ASTN1: variants seen among roughly 807,000 people sequenced by gnomAD.
ASTN1 encodes astrotactin 1.
Under a neutral mutation model 140.7 loss-of-function variants are expected in ASTN1, and 41 were observed. The ratio of observed to expected loss-of-function variants is 0.29; its 90% CI spans 0.23 to 0.38. The LOEUF (loss-of-function observed/expected upper bound fraction) is 0.38, where lower values mean the gene tolerates loss of function less well. Ranked by LOEUF, ASTN1 falls within the 10% of genes least tolerant of loss-of-function variation. ASTN1 has a pLI of 1.00. For synonymous variants in ASTN1, 640 were observed against 652.2 expected (o/e 0.98, Z 0.29); for missense variants, 1,479 against 1,678.8 (o/e 0.88, Z 2.08).
chr1:177,128,313 G>A (rs1055778229), intron 1 of ASTN1, among the ~76,000 whole-genome samples: 3 of 152,052 alleles, frequency 2.0e-5, no homozygotes, highest in African/African-American at 4.8e-5. Flanking sequence ...CAGACTCTAC[G>A]CCTAGTATTA....
chr1:177,024,473 C>G (rs1181093788), intron 6 of ASTN1, 110 bp downstream of exon 6: 6 of 1,379,454 alleles, frequency 4.3e-6, no homozygotes, highest in Admixed American at 2.2e-5. Flanking sequence ...TTTGGTTTTC[C>G]CCCGGTAGAG....
intron 15 of ASTN1, among the ~76,000 whole-genome samples, chr1:176,934,998 T>C (rs758416987): frequency 1.3e-5 from 2 of 152,162 alleles, no homozygotes; most frequent in Non-Finnish European, 2.9e-5. Context: ...AAATGACAAA[T>C]GGAAGAGAAA....
chr1:177,048,188 G>A (rs1677341214), intron 2 of ASTN1, among the ~76,000 whole-genome samples: 2 of 152,144 alleles, frequency 1.3e-5, no homozygotes, highest in Non-Finnish European at 2.9e-5. Context: ...TGTAGAAGAG[G>A]AAAGCAAGAA....
At chr1:177,036,368 A>G (rs1676721233) in intron 2 of ASTN1, among the ~76,000 whole-genome samples, 1 of 152,036 alleles carries the variant, frequency 6.6e-6, no homozygotes, top group South Asian at 2.1e-4. Flanking sequence ...TCTAATAATC[A>G]GTTACCAGGA....
chr1:176,888,320 T>G, intron 17 of ASTN1, 116 bp from the exon 18 acceptor site: 19 of 1,230,876 alleles, frequency 1.5e-5, no homozygotes, highest in Non-Finnish European at 2.0e-5. Flanking sequence ...AGCAGCAGGT[T>G]GTGTCGCCAC....
At chr1:176,984,154 T>G (rs1416224768) in intron 8 of ASTN1, among the ~76,000 whole-genome samples, 4 of 152,232 alleles carry the variant, frequency 2.6e-5, no homozygotes, top group Admixed American at 6.5e-5. Context: ...CTTGGGCCTC[T>G]TAGCATTCTG....
At chr1:176,974,318 A>AT (rs1673270054) in intron 8 of ASTN1, among the ~76,000 whole-genome samples, 1 of 152,188 alleles carries the variant, frequency 6.6e-6, no homozygotes, top group South Asian at 2.1e-4. Flanking sequence ...GATGCAGTCA[A>AT]TTTTTAATAA....
chr1:176,911,071 C>G (rs1281133768), intron 16 of ASTN1, among the ~76,000 whole-genome samples: 1 of 152,320 alleles, frequency 6.6e-6, no homozygotes, highest in Admixed American at 6.5e-5. Context: ...ACCTGTACAA[C>G]ATGCTACTGT....
At chr1:176,888,683 C>A (rs539151608) in intron 17 of ASTN1, among the ~76,000 whole-genome samples, 2 of 152,282 alleles carry the variant, frequency 1.3e-5, no homozygotes, top group Admixed American at 6.5e-5. Context: ...AACCTGCTTG[C>A]AATATTTTTG....
intron 2 of ASTN1, among the ~76,000 whole-genome samples, chr1:177,054,497 G>C (rs1476716747): frequency 6.6e-6 from 1 of 152,230 alleles, no homozygotes; most frequent in African/African-American, 2.4e-5. Context: ...GCTCTGACCT[G>C]TGCGTGGAGC....
chr1:176,857,622 T>C (rs763864600), downstream of ASTN1: 20 of 621,254 alleles, frequency 3.2e-5, 1 homozygote, highest in South Asian at 4.0e-4. Context: ...CATCTACAAC[T>C]CCTCTGACTG....
chr1:176,905,705 C>T (rs1033395279), intron 16 of ASTN1, among the ~76,000 whole-genome samples: 2 of 152,100 alleles, frequency 1.3e-5, no homozygotes, highest in African/African-American at 4.8e-5. Flanking sequence ...CCGCTTAGTC[C>T]TCATCTCTTG....
At chr1:176,960,933 G>A (rs1672631056) in intron 9 of ASTN1, among the ~76,000 whole-genome samples, 6 of 152,100 alleles carry the variant, frequency 3.9e-5, no homozygotes, top group South Asian at 2.1e-4. Context: ...GGCTGAGCCT[G>A]TGCACCTGAC....
Position 177,037,273 on chromosome 1 carries a change from C to T in ASTN1, c.472-4424G>A, listed in dbSNP as rs1297662377. On this transcript the variant is annotated intron_variant, in intron 2 of 22. Transcript: ENST00000361833. Reference sequence around the variant, plus strand: ...AGAAACCCTAGGCCAAAGACTATGGCTGGAAGCATCCTGATAGCCAAGTCG... The same window carrying T: ...AGAAACCCTAGGCCAAAGACTATGGTTGGAAGCATCCTGATAGCCAAGTCG... Among the ~76,000 whole-genome samples the T allele has an allele frequency of 3.3e-5, 5 of 152,324 alleles. No individual in the cohort carries two copies. In the East Asian group the frequency reaches 9.6e-4, roughly 29 times the overall value.
chr1:176,859,131 T>C (rs1201115854), downstream of ASTN1, among the ~76,000 whole-genome samples: 1 of 152,176 alleles, frequency 6.6e-6, no homozygotes, highest in African/African-American at 2.4e-5. Flanking sequence ...CAAAGTAAAA[T>C]TGGAAGAAAC....
chr1:176,892,737 AAC>A (rs1435009348), intron 17 of ASTN1, among the ~76,000 whole-genome samples: 3 of 152,234 alleles, frequency 2.0e-5, no homozygotes, highest in Non-Finnish European at 2.9e-5. Flanking sequence ...TAGAAATAAA[AAC>A]ACACATTGAA....
chr1:176,886,971 G>A (rs1406414549), intron 18 of ASTN1, among the ~76,000 whole-genome samples: 1 of 152,112 alleles, frequency 6.6e-6, no homozygotes, highest in Non-Finnish European at 1.5e-5. Context: ...TCTTGTCTCA[G>A]GTCCTGGCCC....
At chr1:176,962,246 T>G (rs1672696061) in intron 9 of ASTN1, among the ~76,000 whole-genome samples, 1 of 152,182 alleles carries the variant, frequency 6.6e-6, no homozygotes, top group Non-Finnish European at 1.5e-5. Context: ...TCTTGGACAC[T>G]GGAATGGGTT....
intron 1 of ASTN1, among the ~76,000 whole-genome samples, chr1:177,062,357 C>T (rs1366709685): frequency 6.6e-6 from 1 of 151,726 alleles, no homozygotes; most frequent in Non-Finnish European, 1.5e-5. Context: ...CCTCCCACCC[C>T]AGCCTCCCAA....
Sources: allele counts gnomAD v4.1 joint callset (sites outside exome capture counted in the v4.1 genomes callset), GRCh38; gene constraint gnomAD v4.1.1; transcripts MANE v1.5; gene names NCBI Gene and HGNC (gene_info 2026-07-23, HGNC 2026-07-21).